CAP2: variants seen among roughly 807,000 people sequenced by gnomAD.
CAP2 encodes the protein adenylyl cyclase-associated protein 2.
Under a neutral mutation model 57.7 loss-of-function variants are expected in CAP2, and 24 were observed. The ratio of observed to expected loss-of-function variants is 0.42; its 90% CI spans 0.30 to 0.58. CAP2 has a LOEUF of 0.58. Ranked by LOEUF, CAP2 falls within the 20% of genes least tolerant of loss-of-function variation. The probability of loss-of-function intolerance (pLI) is 0.22; values close to 1 mark genes in which losing one functional copy is unlikely to be tolerated. For missense variants in CAP2, 501 were observed against 590.3 expected, an observed-to-expected ratio of 0.85 and a Z score of 1.57; for synonymous variants, 194 against 207.2, an observed-to-expected ratio of 0.94 and a Z score of 0.55.
intron 3 of CAP2, among the ~76,000 whole-genome samples, chr6:17,427,364 A>C (rs564691408): frequency 6.6e-6 from 1 of 152,162 alleles, no homozygotes; most frequent in Non-Finnish European, 1.5e-5. Flanking sequence ...CAGAGGACTC[A>C]GGGCGATTTG....
intron 3 of CAP2, among the ~76,000 whole-genome samples, chr6:17,455,468 C>G (rs1201360974): frequency 1.3e-5 from 2 of 152,038 alleles, no homozygotes; most frequent in Admixed American, 1.3e-4. Context: ...AGATCACACA[C>G]TTGAAACTCT....
At chr6:17,400,221 A>G (rs1385402303) in intron 1 of CAP2, among the ~76,000 whole-genome samples, 1 of 152,024 alleles carries the variant, frequency 6.6e-6, no homozygotes, top group Non-Finnish European at 1.5e-5. Context: ...ATGAGACTCC[A>G]TCTCAAAACA....
chr6:17,450,163 T>A (rs1359811621), intron 3 of CAP2, among the ~76,000 whole-genome samples: 1 of 151,992 alleles, frequency 6.6e-6, no homozygotes, highest in Non-Finnish European at 1.5e-5. Flanking sequence ...GCCATTCTCC[T>A]GCCTCAGCCT....
chr6:17,523,259 A>G (rs12528799), intron 7 of CAP2, among the ~76,000 whole-genome samples: 39,195 of 152,080 alleles, frequency 0.26, 6,185 homozygotes, highest in African/African-American at 0.45. Flanking sequence ...AATCTAACAC[A>G]AAATTTCCAA....
At chr6:17,554,454 C>T (rs760772343) in intron 12 of CAP2, among the ~76,000 whole-genome samples, 3 of 152,134 alleles carry the variant, frequency 2.0e-5, no homozygotes, top group Non-Finnish European at 4.4e-5. Context: ...AGTGGGGTCT[C>T]GCTATGTTGC....
At chr6:17,421,090 T>C (rs966922645) in intron 1 of CAP2, among the ~76,000 whole-genome samples, 2 of 152,168 alleles carry the variant, frequency 1.3e-5, no homozygotes, top group African/African-American at 2.4e-5. Context: ...TTACACTAAC[T>C]TGGATGGAGC....
At chr6:17,480,699 A>C (rs980098270) in intron 4 of CAP2, among the ~76,000 whole-genome samples, 1 of 151,982 alleles carries the variant, frequency 6.6e-6, no homozygotes, top group African/African-American at 2.4e-5. Flanking sequence ...TATTCACACA[A>C]ACAGATTCAA....
intron 4 of CAP2, among the ~76,000 whole-genome samples, chr6:17,478,918 A>G (rs991929363): frequency 1.3e-5 from 2 of 152,194 alleles, no homozygotes; most frequent in Admixed American, 1.3e-4. Context: ...CTTGGGTAAT[A>G]ACACTATGCT....
chr6:17,457,010 G>T (rs1243565243), intron 3 of CAP2, among the ~76,000 whole-genome samples: 3 of 152,158 alleles, frequency 2.0e-5, no homozygotes, highest in African/African-American at 7.2e-5. Context: ...GGCTCCCAAG[G>T]ATGGTTTTAA....
intron 1 of CAP2, among the ~76,000 whole-genome samples, chr6:17,416,191 A>G (rs1279459311): frequency 8.9e-6 from 1 of 112,668 alleles, no homozygotes; most frequent in Non-Finnish European, 2.1e-5. Context: ...GAATAAGTAC[A>G]TGGGCAGAGG....
intron 4 of CAP2, among the ~76,000 whole-genome samples, chr6:17,477,402 A>G (rs1313999949): frequency 6.6e-6 from 1 of 152,230 alleles, no homozygotes; most frequent in Non-Finnish European, 1.5e-5. Flanking sequence ...TACATTGACT[A>G]TCTGTGTCCA....
chr6:17,429,978 A>G (rs940175858), intron 3 of CAP2, among the ~76,000 whole-genome samples: 2 of 152,224 alleles, frequency 1.3e-5, no homozygotes, highest in Non-Finnish European at 2.9e-5. Context: ...GTTGCCTAGG[A>G]AAAAAGCCCT....
At chr6:17,484,759 G>T (rs1343897325) in intron 4 of CAP2, among the ~76,000 whole-genome samples, 1 of 152,172 alleles carries the variant, frequency 6.6e-6, no homozygotes, top group African/African-American at 2.4e-5. Flanking sequence ...ATTGCCTATA[G>T]TAAGAAAACC....
At chr6:17,418,322 T>C (rs1378216588) in intron 1 of CAP2, among the ~76,000 whole-genome samples, 1 of 152,212 alleles carries the variant, frequency 6.6e-6, no homozygotes, top group East Asian at 1.9e-4. Context: ...CTCTCCAACT[T>C]CCTTGCATGA....
chr6:17,536,174 C>T, intron 7 of CAP2: 1 of 456,434 alleles, frequency 2.2e-6, no homozygotes. Flanking sequence ...GCTGTGATTC[C>T]ACTTGTGGCC....
intron 1 of CAP2, among the ~76,000 whole-genome samples, chr6:17,397,921 TG>T (rs201834309): frequency 5.4e-5 from 8 of 147,624 alleles, no homozygotes; most frequent in Middle Eastern, 3.5e-3. Context: ...TGTATTTTAA[TG>T]GGAAAAAAAA....
At chr6:17,519,693 G>T (rs1762348600) in intron 7 of CAP2, among the ~76,000 whole-genome samples, 1 of 152,080 alleles carries the variant, frequency 6.6e-6, no homozygotes, top group African/African-American at 2.4e-5. Context: ...ATATTCCTTG[G>T]CATTTCCTTC....
At chr6:17,485,286 G>C (rs1000580297) in intron 4 of CAP2, among the ~76,000 whole-genome samples, 3 of 152,116 alleles carry the variant, frequency 2.0e-5, no homozygotes, top group African/African-American at 7.2e-5. Context: ...GCTAGAGTGC[G>C]TGCATAGTAA....
intron 3 of CAP2, among the ~76,000 whole-genome samples, chr6:17,443,754 A>G (rs116515877): frequency 6.6e-6 from 1 of 152,254 alleles, no homozygotes; most frequent in Non-Finnish European, 1.5e-5. Flanking sequence ...ATTACTATGC[A>G]TAAAGCAAGT....
Sources: gnomAD v4.1 joint callset for allele counts (sites outside exome capture counted in the v4.1 genomes callset) on GRCh38, gnomAD v4.1.1 for gene constraint, MANE v1.5 for transcripts, NCBI Gene and HGNC (gene_info 2026-07-23, HGNC 2026-07-21) for gene names.